The following CAMK1D variants were observed in gnomAD, a reference collection of about 807,000 sequenced individuals.
CAMK1D encodes the protein calcium/calmodulin-dependent protein kinase type 1D.
In CAMK1D, 9 loss-of-function variants were observed where a neutral mutation model predicts 47.7. The ratio of observed to expected loss-of-function variants is 0.19; its 90% confidence interval spans 0.11 to 0.33. The LOEUF is 0.33. CAMK1D is among the 10% of genes least tolerant of loss of function. The pLI is 1.00. For synonymous variants in CAMK1D, 184 were observed against 184.9 expected (o/e 0.99, Z 0.04); for missense variants, 291 against 488.7 (o/e 0.60, Z 3.81).
chr10:12,539,645 G>A (rs1836099211), intron 1 of CAMK1D, among the ~76,000 whole-genome samples: 1 of 152,220 alleles, frequency 6.6e-6, no homozygotes, highest in Non-Finnish European at 1.5e-5. Flanking sequence ...GTTCCCCTCT[G>A]AAGAGCCACC....
chr10:12,735,352 C>T (rs887718502), intron 3 of CAMK1D, among the ~76,000 whole-genome samples: 4 of 152,166 alleles, frequency 2.6e-5, no homozygotes, highest in Admixed American at 6.5e-5. Flanking sequence ...GTGGCGGGCG[C>T]CTGTAGTCCC....
At chr10:12,634,958 T>C (rs11257926) in intron 2 of CAMK1D, among the ~76,000 whole-genome samples, 38,815 of 152,042 alleles carry the variant, frequency 0.26, 5,174 homozygotes, top group South Asian at 0.39. Context: ...TGCTCACTCA[T>C]TCCTTCATTT....
intron 1 of CAMK1D, among the ~76,000 whole-genome samples, chr10:12,372,733 A>T (rs1009696344): frequency 6.6e-6 from 1 of 152,062 alleles, no homozygotes; most frequent in Non-Finnish European, 1.5e-5. Flanking sequence ...GATTCAGGTG[A>T]TCCTCACACC....
At chr10:12,478,008 CTTT>C (rs539240317) in intron 1 of CAMK1D, among the ~76,000 whole-genome samples, 2 of 141,138 alleles carry the variant, frequency 1.4e-5, no homozygotes, top group Non-Finnish European at 1.6e-5. Context: ...TTTTCTTTTT[CTTT>C]TTTTTTTTTT....
chr10:12,593,366 G>C (rs1316208971), intron 2 of CAMK1D, among the ~76,000 whole-genome samples: 1 of 152,182 alleles, frequency 6.6e-6, no homozygotes, highest in Admixed American at 6.5e-5. Flanking sequence ...AAGGCGGGTG[G>C]ATCACTTGAG....
At chr10:12,482,653 A>G (rs1204936007) in intron 1 of CAMK1D, among the ~76,000 whole-genome samples, 2 of 152,200 alleles carry the variant, frequency 1.3e-5, no homozygotes, top group Non-Finnish European at 2.9e-5. Context: ...TACGTGACAC[A>G]CACATTTGCA....
rs1203930080 is a variant in CAMK1D at position 12,520,799 on chromosome 10, C to T, written c.93-32426C>T. Among the ~76,000 whole-genome samples the T allele has an allele frequency of 1.1e-4, 5 of 47,416 alleles. 1 individual carries two copies. Among genetic ancestry groups the T allele is most frequent in the Admixed American group, 2.1e-4 (1 of 4,698 alleles). The allele number at this position is 47,416 out of a possible 152,430, so 31.1% of individuals were successfully genotyped here. A position where few individuals can be genotyped will look rare whatever the true frequency, so the allele number is the denominator to read the frequency against. ...CGAAAACCAGTCAGGCGTGGCAGCG[C>T]GCGCCTGCAATCGCAGGCACTCGGC... is the stretch of plus-strand genomic sequence containing the variant. On this transcript the variant is annotated intron_variant, in intron 1 of 10. Transcript: ENST00000619168.
chr10:12,770,584 C>A (rs1039885546), intron 5 of CAMK1D, among the ~76,000 whole-genome samples: 1 of 152,210 alleles, frequency 6.6e-6, no homozygotes, highest in Admixed American at 6.5e-5. Context: ...ACGGTGCCTG[C>A]CCTCATGGAG....
rs1272442742 is a variant in CAMK1D at position 12,833,584 on chromosome 10, T to C, written c.*4697T>C. 1.3e-5 allele frequency: 2 copies of C among 152,160 alleles called. No individual in the cohort carries two copies. Among genetic ancestry groups the C allele is most frequent in the Non-Finnish European group, 2.9e-5 (2 of 68,018 alleles). 9.4% of individuals were successfully genotyped at this position (152,160 alleles called of 1,614,324 possible). A position where few individuals can be genotyped will look rare whatever the true frequency, so the allele number is the denominator to read the frequency against. ...ATTGCTCTAGGGCTGAAGGTGGAAG[T>C]AGGGCCACTGCCGCAGCTTCAGCCA... is the stretch of plus-strand genomic sequence containing the variant. On this transcript the variant is annotated 3_prime_UTR_variant, in exon 11 of 11. Transcript: ENST00000619168.
At chr10:12,439,682 T>C (rs1040399939) in intron 1 of CAMK1D, among the ~76,000 whole-genome samples, 2 of 152,244 alleles carry the variant, frequency 1.3e-5, no homozygotes, top group Non-Finnish European at 2.9e-5. Flanking sequence ...GTCTTTGATA[T>C]AAGACGAATC....
chr10:12,622,198 C>T (rs553290287), intron 2 of CAMK1D, among the ~76,000 whole-genome samples: 2 of 152,266 alleles, frequency 1.3e-5, no homozygotes, highest in East Asian at 1.9e-4. Flanking sequence ...CACCTAGGCC[C>T]CTGCTTGGCC....
At chr10:12,751,053 TAAGATAAGATAAGATAAGA>T in intron 3 of CAMK1D, among the ~76,000 whole-genome samples, 1 of 248 alleles carries the variant, frequency 4.0e-3, no homozygotes, top group Non-Finnish European at 8.6e-3. Flanking sequence ...TCTCCCCCAA[TAAGATAAGATAAGATAAGA>T]TAAGATAAGA....
chr10:12,392,993 CTCA>C (rs1838794762), intron 1 of CAMK1D, among the ~76,000 whole-genome samples: 1 of 139,232 alleles, frequency 7.2e-6, no homozygotes, highest in South Asian at 2.4e-4. Flanking sequence ...CAACTGACTG[CTCA>C]TCGACTGTCA....
At chr10:12,797,563 GCCAC>G (rs2131019523) in intron 6 of CAMK1D, among the ~76,000 whole-genome samples, 1 of 152,100 alleles carries the variant, frequency 6.6e-6, no homozygotes, top group East Asian at 1.9e-4. Context: ...CCAGCCACCA[GCCAC>G]CCACCATTTC....
At chr10:12,786,319 A>G (rs921884193) in intron 5 of CAMK1D, among the ~76,000 whole-genome samples, 1 of 152,146 alleles carries the variant, frequency 6.6e-6, no homozygotes, top group Non-Finnish European at 1.5e-5. Context: ...TAGTTTACCC[A>G]CCTCTAATTG....
intron 1 of CAMK1D, among the ~76,000 whole-genome samples, chr10:12,450,380 G>A (rs1077685): frequency 0.092 from 13,955 of 152,200 alleles, 795 homozygotes; most frequent in African/African-American, 0.15. Context: ...TTATATAAGC[G>A]TGAAAGTTTT....
At chr10:12,413,673 G>A (rs956255317) in intron 1 of CAMK1D, among the ~76,000 whole-genome samples, 2 of 11,110 alleles carry the variant, frequency 1.8e-4, no homozygotes, top group Non-Finnish European at 3.5e-4. Flanking sequence ...ATTTGCTGGT[G>A]TTTGTGGATA....
At chr10:12,414,111 C>T (rs1172688662) in intron 1 of CAMK1D, among the ~76,000 whole-genome samples, 1 of 152,084 alleles carries the variant, frequency 6.6e-6, no homozygotes, top group African/African-American at 2.4e-5. Context: ...CTCTGAAATC[C>T]AAAAATCTGA....
intron 2 of CAMK1D, among the ~76,000 whole-genome samples, chr10:12,636,201 C>T (rs10508443): frequency 6.6e-6 from 1 of 152,200 alleles, no homozygotes; most frequent in East Asian, 1.9e-4. Flanking sequence ...TCCAGTTTCT[C>T]TTGCTAGCAG....
Sources: allele counts gnomAD v4.1 joint callset (sites outside exome capture counted in the v4.1 genomes callset), GRCh38; gene constraint gnomAD v4.1.1; transcripts MANE v1.5; gene names NCBI Gene and HGNC (gene_info 2026-07-23, HGNC 2026-07-21).